RASEF: variants seen among roughly 807,000 people sequenced by gnomAD.
RASEF encodes ras and EF-hand domain-containing protein.
In RASEF, 68 loss-of-function variants were observed where a neutral mutation model predicts 90.1. That is an observed-to-expected ratio of 0.75 (90% CI 0.62 to 0.92). RASEF has a LOEUF of 0.92. RASEF is among the 40% of genes least tolerant of loss of function. RASEF has a pLI of 0.00. For missense variants in RASEF, 949 were observed against 937.2 expected, an observed-to-expected ratio of 1.01 and a Z score of -0.16; for synonymous variants, 331 against 345.2, an observed-to-expected ratio of 0.96 and a Z score of 0.46.
At chr9:83,165,374 TCA>T in the RASEF span, among the ~76,000 whole-genome samples, 4 of 152,056 alleles carry the variant, frequency 2.6e-5, no homozygotes, top group East Asian at 3.8e-4. Flanking sequence ...ATCCCAAGTC[TCA>T]GAGATTGCAT....
At chr9:83,181,016 G>T in the RASEF span, among the ~76,000 whole-genome samples, 2 of 151,560 alleles carry the variant, frequency 1.3e-5, no homozygotes, top group Non-Finnish European at 2.9e-5. Context: ...GCATTGGTTT[G>T]CCCTGGGATG....
the RASEF span, among the ~76,000 whole-genome samples, chr9:83,192,983 GC>G: frequency 6.6e-6 from 1 of 152,204 alleles, no homozygotes; most frequent in Non-Finnish European, 1.5e-5. Flanking sequence ...CAGGTTACAA[GC>G]TCCAGCAGTT....
the RASEF span, among the ~76,000 whole-genome samples, chr9:83,118,481 C>T: frequency 1.3e-5 from 2 of 152,046 alleles, no homozygotes; most frequent in South Asian, 2.1e-4. Flanking sequence ...TTTTATTTCT[C>T]GTATTTCTTT....
intron 4 of RASEF, among the ~76,000 whole-genome samples, chr9:83,013,280 G>A (rs1408478878): frequency 6.6e-6 from 1 of 152,090 alleles, no homozygotes; most frequent in African/African-American, 2.4e-5. Flanking sequence ...GGGATCTGTT[G>A]GTATTCATTA....
chr9:82,998,127 C>T (rs1587481986), intron 13 of RASEF, among the ~76,000 whole-genome samples: 1 of 152,080 alleles, frequency 6.6e-6, no homozygotes, highest in Non-Finnish European at 1.5e-5. Context: ...AACTGAACAT[C>T]AGCTCAAAAG....
intron 14 of RASEF, among the ~76,000 whole-genome samples, chr9:82,995,328 A>C (rs1300017213): frequency 6.6e-6 from 1 of 152,222 alleles, no homozygotes; most frequent in African/African-American, 2.4e-5. Flanking sequence ...TGGATTTTAA[A>C]CACTAGTATG....
the RASEF span, among the ~76,000 whole-genome samples, chr9:83,162,871 G>T: frequency 3.3e-5 from 5 of 152,196 alleles, no homozygotes; most frequent in East Asian, 5.8e-4. Context: ...CCCAGTCAAA[G>T]GGGAGCCCCC....
At chr9:83,172,026 CT>C in the RASEF span, among the ~76,000 whole-genome samples, 1 of 151,736 alleles carries the variant, frequency 6.6e-6, no homozygotes, top group African/African-American at 2.4e-5. Context: ...AGTCTTTCTA[CT>C]TTTTTGATGT....
At chr9:83,092,009 T>C in the RASEF span, among the ~76,000 whole-genome samples, 2 of 121,734 alleles carry the variant, frequency 1.6e-5, no homozygotes, top group African/African-American at 3.6e-5. Flanking sequence ...ATTTCTTTTT[T>C]TTTTTTTTTT....
chr9:83,092,805 C>T, the RASEF span, among the ~76,000 whole-genome samples: 1 of 152,052 alleles, frequency 6.6e-6, no homozygotes, highest in Admixed American at 6.6e-5. Flanking sequence ...GTTTACAATC[C>T]CTGAGCTAGA....
At chr9:83,048,439 T>C in intron 1 of RASEF, 1 of 985,198 alleles carries the variant, frequency 1.0e-6, no homozygotes, top group Non-Finnish European at 1.2e-6. Context: ...ACCTTCTGAA[T>C]AGAGGGAAAC....
At chr9:83,063,184 G>A, upstream of RASEF, 1 of 349,768 alleles carries the variant, frequency 2.9e-6, no homozygotes, top group Non-Finnish European at 5.2e-6. Context: ...CTTTCCCGGC[G>A]GGTGCAGCTC....
intron 16 of RASEF, among the ~76,000 whole-genome samples, chr9:82,984,536 C>A (rs1251922247): frequency 5.3e-5 from 8 of 152,118 alleles, no homozygotes; most frequent in African/African-American, 1.4e-4. Flanking sequence ...TTGATATATA[C>A]CCCAGACACA....
At chr9:83,043,322 T>C (rs1332035692) in intron 1 of RASEF, among the ~76,000 whole-genome samples, 2 of 152,014 alleles carry the variant, frequency 1.3e-5, no homozygotes, top group Non-Finnish European at 2.9e-5. Flanking sequence ...AAATGCATTG[T>C]ATGAACCTAT....
the RASEF span, among the ~76,000 whole-genome samples, chr9:83,070,633 A>G: frequency 3.3e-5 from 5 of 152,180 alleles, no homozygotes; most frequent in Non-Finnish European, 5.9e-5. Context: ...GTATTACCAT[A>G]GAAATTTTAA....
chr9:83,105,867 C>A, the RASEF span, among the ~76,000 whole-genome samples: 7 of 152,184 alleles, frequency 4.6e-5, no homozygotes, highest in Non-Finnish European at 7.3e-5. Context: ...GTGCCGGCTG[C>A]AGGACTGCAG....
At chr9:83,169,350 T>TACACACACACACACAC in the RASEF span, among the ~76,000 whole-genome samples, 19 of 146,096 alleles carry the variant, frequency 1.3e-4, no homozygotes, top group African/African-American at 4.6e-4. Flanking sequence ...CTGATTTCCA[T>TACACACACACACACAC]ACACACACAC....
At chr9:83,128,107 A>G in the RASEF span, among the ~76,000 whole-genome samples, 2 of 149,120 alleles carry the variant, frequency 1.3e-5, no homozygotes, top group East Asian at 4.0e-4. Context: ...GGGAGGACAT[A>G]CTGCTTGAAT....
upstream of RASEF, among the ~76,000 whole-genome samples, chr9:83,066,702 A>G (rs1012657222): frequency 2.0e-5 from 3 of 152,248 alleles, no homozygotes; most frequent in African/African-American, 7.2e-5. Context: ...CATGTTTCTC[A>G]AAGCAGTGAA....
Sources: allele counts gnomAD v4.1 joint callset (sites outside exome capture counted in the v4.1 genomes callset), GRCh38; gene constraint gnomAD v4.1.1; transcripts MANE v1.5; gene names NCBI Gene and HGNC (gene_info 2026-07-23, HGNC 2026-07-21).